The following IGF1R variants were observed in gnomAD, a reference collection of about 807,000 sequenced individuals.
IGF1R encodes insulin-like growth factor 1 receptor.
IGF1R carries 44 observed loss-of-function variants against 144.6 expected under a neutral mutation model. The observed-to-expected ratio is 0.30, with a 90% CI of 0.24 to 0.39. The LOEUF is 0.39. Among genes scored for constraint, IGF1R ranks in the 10% least tolerant of loss-of-function variants. The pLI is 1.00. For synonymous variants in IGF1R, 795 were observed against 722.8 expected, an observed-to-expected ratio of 1.10 and a Z score of -1.60; for missense variants, 1,355 against 1,833.7, an observed-to-expected ratio of 0.74 and a Z score of 4.77.
chr15:98,911,197 G>GA, intron 6 of IGF1R, 118 bp from the exon 7 acceptor site: 1 of 1,149,120 alleles, frequency 8.7e-7, no homozygotes. Context: ...AGGAAGCCCA[G>GA]AAGGGAACTT....
chr15:98,923,721 C>T, intron 11 of IGF1R, 155 bp from the exon 12 acceptor site: 1 of 679,888 alleles, frequency 1.5e-6, no homozygotes, highest in Non-Finnish European at 2.7e-6. Flanking sequence ...CTCCACTGTC[C>T]TGCCCGCGTG....
At chr15:98,701,494 AC>A (rs2053732508) in intron 1 of IGF1R, among the ~76,000 whole-genome samples, 1 of 151,462 alleles carries the variant, frequency 6.6e-6, no homozygotes. Context: ...CCGCCACCAC[AC>A]CCGGCTAATT....
Position 98,961,832 on chromosome 15 carries a change from C to T in IGF1R, c.*4390C>T. 4.3e-6 allele frequency: 1 copy of T among 233,312 alleles called. No homozygotes were observed. The highest frequency in any genetic ancestry group is 6.0e-5 in the East Asian group (1 of 16,594). 14.5% of individuals were successfully genotyped at this position (233,312 alleles called of 1,614,324 possible). A position where few individuals can be genotyped will look rare whatever the true frequency, so the allele number is the denominator to read the frequency against. ...AGCCTCCTCCTTGGAAGATGGAAGACCGTGTTCGTGGCCGACCTGGCCTCT... is the reference window on the plus strand; with the variant it reads ...AGCCTCCTCCTTGGAAGATGGAAGATCGTGTTCGTGGCCGACCTGGCCTCT... On this transcript the variant is annotated 3_prime_UTR_variant, in exon 21 of 21. Transcript: ENST00000650285.
At position 98,911,393 on chromosome 15, in the gene IGF1R, C is replaced by T. The variant is rs2151674367; in HGVS notation, c.1541C>T (p.Pro514Leu). Residue 514 changes from proline to leucine, a missense_variant, in exon 7 of 21, where the codon CCC (proline) becomes CTC (leucine). Pro to Leu is a moderately conservative substitution (Grantham distance 98, BLOSUM62 -3). Around this residue, in one of 7 missense-constraint regions of IGF1R, gnomAD observed 880 missense variants for 1,202.7 expected, o/e 0.73. Coordinates refer to ENST00000650285, the MANE Select transcript of IGF1R (RefSeq NM_000875.5). ...RIIITWHRYR[P>L]PDYRDLISFT... is the part of the protein sequence containing the mutation. Reference sequence around the variant, plus strand: ...ATCATAACCTGGCACCGGTACCGGCCCCCTGACTACAGGGATCTCATCAGC... The same window carrying T: ...ATCATAACCTGGCACCGGTACCGGCTCCCTGACTACAGGGATCTCATCAGC... The T allele has an allele frequency of 6.2e-7, 1 of 1,614,162 alleles. No homozygotes were observed. Among genetic ancestry groups the T allele is most frequent in the Non-Finnish European group, 8.5e-7 (1 of 1,180,020 alleles).
chr15:98,780,026 C>G (rs60500188), intron 2 of IGF1R, among the ~76,000 whole-genome samples: 1,985 of 152,112 alleles, frequency 0.013, 50 homozygotes, highest in African/African-American at 0.045. Flanking sequence ...GGTTATCCGA[C>G]ATACCTCACA....
intron 20 of IGF1R, among the ~76,000 whole-genome samples, chr15:98,953,953 C>T (rs1596488813): frequency 6.6e-6 from 1 of 152,154 alleles, no homozygotes; most frequent in African/African-American, 2.4e-5. Flanking sequence ...CACAGCCGCT[C>T]CTGGCTGAGG....
At chr15:98,717,202 C>G (rs778064727) in intron 2 of IGF1R, among the ~76,000 whole-genome samples, 9 of 152,194 alleles carry the variant, frequency 5.9e-5, no homozygotes, top group East Asian at 1.9e-4. Flanking sequence ...CTGTTTGCCT[C>G]AGGTATGTGG....
rs1042578817 is a variant in IGF1R at position 98,961,130 on chromosome 15, G to C, written c.*3688G>C. 3.4e-5 allele frequency: 8 copies of C among 233,308 alleles called. No individual in the cohort carries two copies. Among genetic ancestry groups the C allele is most frequent in the Non-Finnish European group, 5.9e-5 (7 of 117,878 alleles). The allele number at this position is 233,308 out of a possible 1,614,324, so 14.5% of individuals were successfully genotyped here. On this transcript the variant is annotated 3_prime_UTR_variant, in exon 21 of 21. Transcript: ENST00000650285. The stretch of plus-strand genomic sequence containing the variant: ...CGCGACCCATCTCTCCCAGGACCCC[G>C]GGGATCTTAAGGTCATTGAGAAATA...
intron 2 of IGF1R, among the ~76,000 whole-genome samples, chr15:98,867,097 A>T (rs1294329046): frequency 6.6e-6 from 1 of 151,352 alleles, no homozygotes. Context: ...ATTTTTTTTT[A>T]ATCTAACGGA....
intron 17 of IGF1R, among the ~76,000 whole-genome samples, chr15:98,937,740 A>G (rs2016209564): frequency 6.6e-6 from 1 of 152,258 alleles, no homozygotes; most frequent in African/African-American, 2.4e-5. Context: ...CTCCATGCTT[A>G]AAGTTGAGTG....
chr15:98,735,460 A>G (rs1019399645), intron 2 of IGF1R, among the ~76,000 whole-genome samples: 1 of 152,256 alleles, frequency 6.6e-6, no homozygotes, highest in Non-Finnish European at 1.5e-5. Context: ...AAGGGTGAGC[A>G]ATCTGTTCCA....
chr15:98,780,627 A>C (rs1485734433), intron 2 of IGF1R, among the ~76,000 whole-genome samples: 1 of 151,498 alleles, frequency 6.6e-6, no homozygotes, highest in Non-Finnish European at 1.5e-5. Context: ...TACTTGATGG[A>C]ATTTTTTAAA....
intron 2 of IGF1R, among the ~76,000 whole-genome samples, chr15:98,825,100 A>G (rs1358489726): frequency 1.3e-5 from 2 of 152,092 alleles, no homozygotes; most frequent in Non-Finnish European, 2.9e-5. Flanking sequence ...TGACCTCCCA[A>G]AGTGCTGGGA....
intron 2 of IGF1R, among the ~76,000 whole-genome samples, chr15:98,822,048 G>A (rs1175241159): frequency 1.3e-5 from 2 of 152,184 alleles, no homozygotes; most frequent in African/African-American, 4.8e-5. Flanking sequence ...ATTGACTGGT[G>A]AGTCTAGGCA....
intron 2 of IGF1R, among the ~76,000 whole-genome samples, chr15:98,731,133 G>A (rs115375699): frequency 6.6e-6 from 1 of 152,312 alleles, no homozygotes; most frequent in African/African-American, 2.4e-5. Flanking sequence ...TAACTTTGAT[G>A]GCCATTTTGA....
rs754603546 is a variant in IGF1R at position 98,899,535 on chromosome 15, C to T, written c.1161C>T (p.Tyr387=). The change falls in exon 5 of 21, where the codon TAC becomes TAT. Residue 387 remains tyrosine (Y), a synonymous_variant. Coordinates refer to ENST00000650285, the MANE Select transcript of IGF1R (RefSeq NM_000875.5). The part of the protein sequence containing the change: ...FMGLIEVVTG[Y]VKIRHSHALV... Reference sequence around the variant, plus strand: ...GGCTCATCGAGGTGGTGACGGGCTACGTGAAGATCCGCCATTCTCATGCCT... The same window carrying T: ...GGCTCATCGAGGTGGTGACGGGCTATGTGAAGATCCGCCATTCTCATGCCT... 33 of 1,613,986 alleles carry T rather than the reference C, an allele frequency of 2.0e-5. No individual in the cohort carries two copies. The East Asian group carries it at 4.7e-4, about 23-fold the overall frequency.
At chr15:98,774,690 G>A in intron 2 of IGF1R, among the ~76,000 whole-genome samples, 1 of 150,178 alleles carries the variant, frequency 6.7e-6, no homozygotes, top group African/African-American at 2.4e-5. Context: ...TGCGGTGGTG[G>A]GGGGGTGGGG....
intron 2 of IGF1R, among the ~76,000 whole-genome samples, chr15:98,867,193 A>G (rs2141596485): frequency 6.6e-6 from 1 of 151,188 alleles, no homozygotes. Context: ...GAAATAACCC[A>G]TTCTAAACAA....
Position 98,825,323 on chromosome 15 carries a change from CT to C in IGF1R, c.641-65998del, listed in dbSNP as rs572726858. Among the ~76,000 whole-genome samples, 20 of 152,342 alleles carry C rather than the reference CT, an allele frequency of 1.3e-4. No homozygotes were observed. In the South Asian group the frequency reaches 4.1e-3, roughly 32 times the overall value. On this transcript the variant is annotated intron_variant, in intron 2 of 20. Coordinates refer to ENST00000650285, the MANE Select transcript of IGF1R (RefSeq NM_000875.5). The stretch of plus-strand genomic sequence containing the variant: ...CCAAAATCCACAGATGCTCAAGTCC[CT>C]TTTATAAAATGGTGTGATATTTGTG...
Sources: allele counts gnomAD v4.1 joint callset (sites outside exome capture counted in the v4.1 genomes callset), GRCh38; gene constraint gnomAD v4.1.1; regional missense constraint gnomAD v4.1.1; transcripts MANE v1.5; gene names NCBI Gene and HGNC (gene_info 2026-07-23, HGNC 2026-07-21).